Variants in ADAMTS12 observed in about 807,000 individuals in gnomAD.
ADAMTS12 encodes the protein ADAM metallopeptidase with thrombospondin type 1 motif 12, also known as A disintegrin and metalloproteinase with thrombospondin motifs 12.
In ADAMTS12, 118 loss-of-function variants were observed where a neutral mutation model predicts 167.8. That is an observed-to-expected ratio of 0.70 (90% CI 0.61 to 0.82). The LOEUF (loss-of-function observed/expected upper bound fraction) is 0.82. ADAMTS12 is among the 40% of genes least tolerant of loss of function. ADAMTS12 has a pLI of 0.00. For synonymous variants in ADAMTS12, 704 were observed against 716.9 expected, an observed-to-expected ratio of 0.98 and a Z score of 0.29; for missense variants, 1,916 against 1,998.8, an observed-to-expected ratio of 0.96 and a Z score of 0.79.
At chr5:33,833,266 T>G (rs997947227) in intron 2 of ADAMTS12, among the ~76,000 whole-genome samples, 1 of 152,234 alleles carries the variant, frequency 6.6e-6, no homozygotes, top group Admixed American at 6.5e-5. Flanking sequence ...TTAGTTTGTA[T>G]GTACCCATTG....
intron 22 of ADAMTS12, among the ~76,000 whole-genome samples, chr5:33,539,801 T>C (rs1225859274): frequency 1.3e-5 from 2 of 152,300 alleles, no homozygotes; most frequent in Middle Eastern, 3.4e-3. Flanking sequence ...CAAGAAACCA[T>C]TTTTTTAAAA....
chr5:33,616,626 A>T (rs772693825), intron 14 of ADAMTS12, among the ~76,000 whole-genome samples: 1 of 152,244 alleles, frequency 6.6e-6, no homozygotes, highest in Non-Finnish European at 1.5e-5. Context: ...GCCTATGATG[A>T]GGAACTCAAC....
chr5:33,582,044 C>A (rs1351041953), intron 18 of ADAMTS12, among the ~76,000 whole-genome samples: 1 of 152,182 alleles, frequency 6.6e-6, no homozygotes, highest in African/African-American at 2.4e-5. Flanking sequence ...GGATTTGTAG[C>A]TTCTGCACAT....
At chr5:33,640,571 A>G (rs1740400822) in intron 11 of ADAMTS12, among the ~76,000 whole-genome samples, 1 of 152,206 alleles carries the variant, frequency 6.6e-6, no homozygotes, top group Non-Finnish European at 1.5e-5. Flanking sequence ...AAAATACTCT[A>G]TGAGAAACTC....
At chr5:33,536,074 A>G (rs975299851) in intron 22 of ADAMTS12, among the ~76,000 whole-genome samples, 24 of 152,230 alleles carry the variant, frequency 1.6e-4, no homozygotes, top group African/African-American at 5.1e-4. Context: ...GCCTGAATTT[A>G]CCACATATGC....
Position 33,751,679 on chromosome 5 carries a change from C to T in ADAMTS12, c.490-131G>A, listed in dbSNP as rs530244760. ...ACCAGTGCTTTCAGAGTCTGCTGTT[C>T]GATCTCATAGAAGAGTTACATACAA... On this transcript the variant is annotated intron_variant, in intron 2 of 23. Transcript: ENST00000504830. 1.7e-4 allele frequency: 140 copies of T among 804,034 alleles called. No homozygotes were observed. In the Middle Eastern group the frequency reaches 3.0e-3, roughly 17 times the overall value. The allele number at this position is 804,034 out of a possible 1,614,324, so 49.8% of individuals were successfully genotyped here. A position where few individuals can be genotyped will look rare whatever the true frequency, so the allele number is the denominator to read the frequency against.
intron 16 of ADAMTS12, among the ~76,000 whole-genome samples, chr5:33,603,192 C>T (rs376677873): frequency 1.9e-4 from 29 of 152,232 alleles, no homozygotes; most frequent in African/African-American, 6.0e-4. Flanking sequence ...TTTGGTTAGA[C>T]GCTATTATGA....
chr5:33,718,145 C>A (rs1372744376), intron 3 of ADAMTS12, among the ~76,000 whole-genome samples: 1 of 152,208 alleles, frequency 6.6e-6, no homozygotes, highest in African/African-American at 2.4e-5. Context: ...ACATGCGCCA[C>A]AGAATCACAG....
intron 3 of ADAMTS12, among the ~76,000 whole-genome samples, chr5:33,739,663 G>A (rs1744497946): frequency 6.6e-6 from 1 of 152,242 alleles, no homozygotes. Flanking sequence ...GTTCTGACCC[G>A]TGATGATGAG....
chr5:33,870,921 T>A (rs1460528132), intron 2 of ADAMTS12, among the ~76,000 whole-genome samples: 1 of 152,322 alleles, frequency 6.6e-6, no homozygotes. Context: ...ATGCTTCTTG[T>A]ACAGCCTGTG....
chr5:33,758,590 T>G lies in ADAMTS12; in HGVS notation c.490-7042A>C, dbSNP rs74614317. Among the ~76,000 whole-genome samples, 283 of 152,156 alleles carry G rather than the reference T, an allele frequency of 1.9e-3. 1 individual carries two copies. Among genetic ancestry groups the G allele is most frequent in the African/African-American group, 6.4e-3 (266 of 41,506 alleles). On this transcript the variant is annotated intron_variant, in intron 2 of 23. Transcript: ENST00000504830. ...GCTCCCACAAAAGTAAAACTAAAAT[T>G]TCCAGATGTCAGTGTCACTAAAATT...
intron 3 of ADAMTS12, among the ~76,000 whole-genome samples, chr5:33,709,613 C>G (rs1415383984): frequency 6.6e-6 from 1 of 152,054 alleles, no homozygotes; most frequent in Non-Finnish European, 1.5e-5. Context: ...GAACAGAAAA[C>G]CAAACACTGC....
chr5:33,771,583 G>C (rs148443704), intron 2 of ADAMTS12, among the ~76,000 whole-genome samples: 94 of 152,188 alleles, frequency 6.2e-4, no homozygotes, highest in African/African-American at 2.2e-3. Flanking sequence ...AATAGAATTT[G>C]TTTAACAGAT....
chr5:33,845,173 A>AC (rs1309245753), intron 2 of ADAMTS12, among the ~76,000 whole-genome samples: 3 of 152,168 alleles, frequency 2.0e-5, no homozygotes, highest in African/African-American at 4.8e-5. Flanking sequence ...CATATTCTCT[A>AC]CCTCTGTCCA....
Position 33,837,031 on chromosome 5 carries a change from G to C in ADAMTS12, c.489+44088C>G, listed in dbSNP as rs144711737. ...TCCAGATTGCTGGGATTACAGGCTT[G>C]GACCACCATGCCCAGCCCTGGCTTT... On this transcript the variant is annotated intron_variant, in intron 2 of 23. Coordinates refer to ENST00000504830, the MANE Select transcript of ADAMTS12 (RefSeq NM_030955.4). Among the ~76,000 whole-genome samples the C allele has an allele frequency of 7.4e-4, 112 of 152,178 alleles. 1 individual carries two copies. In the East Asian group the frequency reaches 0.02, roughly 28 times the overall value.
intron 2 of ADAMTS12, among the ~76,000 whole-genome samples, chr5:33,768,392 G>A (rs931551962): frequency 2.0e-5 from 3 of 152,152 alleles, no homozygotes; most frequent in African/African-American, 7.2e-5. Context: ...TAGAGGCATA[G>A]GGGTTATCAA....
chr5:33,827,341 G>T (rs1748115954), intron 2 of ADAMTS12, among the ~76,000 whole-genome samples: 1 of 151,910 alleles, frequency 6.6e-6, no homozygotes, highest in Non-Finnish European at 1.5e-5. Flanking sequence ...CAAAGAAACA[G>T]GGGCTTCAGT....
At chr5:33,588,925 A>C in intron 17 of ADAMTS12, 116 bp from the exon 18 acceptor site, 1 of 1,261,346 alleles carries the variant, frequency 7.9e-7, no homozygotes, top group Non-Finnish European at 1.1e-6. Flanking sequence ...GGCCATGGAG[A>C]CACTCCAACC....
chr5:33,681,686 C>T (rs1430109110), intron 5 of ADAMTS12, among the ~76,000 whole-genome samples: 12 of 152,156 alleles, frequency 7.9e-5, no homozygotes, highest in Non-Finnish European at 1.6e-4. Context: ...ATAAACTGGT[C>T]ACTGAGACCT....
Sources: gnomAD v4.1 joint callset for allele counts (sites outside exome capture counted in the v4.1 genomes callset) on GRCh38, gnomAD v4.1.1 for gene constraint, MANE v1.5 for transcripts, NCBI Gene and HGNC (gene_info 2026-07-23, HGNC 2026-07-21) for gene names.